Variants in ASTN1 observed in about 807,000 individuals in gnomAD.
ASTN1 encodes the protein astrotactin 1.
Under a neutral mutation model 140.7 loss-of-function variants are expected in ASTN1, and 41 were observed. The observed-to-expected ratio is 0.29, with a 90% CI of 0.23 to 0.38. ASTN1 has a LOEUF of 0.38. Ranked by LOEUF, ASTN1 falls within the 10% of genes least tolerant of loss-of-function variation. ASTN1 has a pLI of 1.00. For missense variants in ASTN1, 1,479 were observed against 1,678.8 expected (o/e 0.88, Z 2.08); for synonymous variants, 640 against 652.2 (o/e 0.98, Z 0.29).
chr1:176,871,149 G>A (rs1017545275), intron 21 of ASTN1, among the ~76,000 whole-genome samples: 10 of 152,170 alleles, frequency 6.6e-5, no homozygotes, highest in African/African-American at 1.4e-4. Context: ...GCATTGCACT[G>A]ATTGGGCCCC....
At chr1:177,019,363 C>T (rs1057436679) in intron 7 of ASTN1, among the ~76,000 whole-genome samples, 4 of 152,162 alleles carry the variant, frequency 2.6e-5, no homozygotes, top group Non-Finnish European at 5.9e-5. Flanking sequence ...AGGTATTTCC[C>T]ACTGGTCTCC....
At chr1:177,118,999 T>C in intron 1 of ASTN1, among the ~76,000 whole-genome samples, 1 of 152,210 alleles carries the variant, frequency 6.6e-6, no homozygotes, top group East Asian at 1.9e-4. Flanking sequence ...ATTTTCCACC[T>C]GGAAAACTCC....
chr1:177,145,431 C>CT (rs962058476), intron 1 of ASTN1, among the ~76,000 whole-genome samples: 3 of 152,194 alleles, frequency 2.0e-5, no homozygotes, highest in African/African-American at 7.2e-5. Flanking sequence ...CTGAAAATCT[C>CT]TTTAAGTTCC....
intron 1 of ASTN1, among the ~76,000 whole-genome samples, chr1:177,156,261 C>A (rs1162296100): frequency 6.7e-6 from 1 of 149,296 alleles, no homozygotes; most frequent in Non-Finnish European, 1.5e-5. Flanking sequence ...CAAGGTGAGA[C>A]TCCGTCTCAA....
At chr1:176,916,773 G>A (rs1041007322) in intron 16 of ASTN1, among the ~76,000 whole-genome samples, 1 of 152,202 alleles carries the variant, frequency 6.6e-6, no homozygotes, top group African/African-American at 2.4e-5. Context: ...GTCATTACAT[G>A]TATGTTTCTA....
chr1:176,965,796 T>C (rs1672855402), intron 8 of ASTN1, among the ~76,000 whole-genome samples: 1 of 152,210 alleles, frequency 6.6e-6, no homozygotes. Context: ...ATTCAACATG[T>C]TTTCTTTTCT....
chr1:177,030,907 T>A lies in ASTN1; in HGVS notation c.911A>T (p.Asn304Ile). ...GTCCACAGGGCTAGTGGCTATAATA[T>A]TATCTTTATACTTGTTCATCAGTGA... is the stretch of plus-strand genomic sequence containing the variant. ...KLSLMNKYKD[N>I]IIATSPVDSN... The change falls in exon 4 of 23, where the codon AAT (asparagine) becomes ATT (isoleucine). Residue 304 changes from asparagine (N) to isoleucine (I), a missense_variant. Asn to Ile is a moderately radical substitution (Grantham distance 149, BLOSUM62 -3). This residue lies in a region of ASTN1 where 729 missense variants were observed against 860.4 expected (regional missense o/e 0.85). Transcript: ENST00000361833. 1.2e-6 allele frequency: 2 copies of A among 1,614,122 alleles called. No homozygotes were observed. Among genetic ancestry groups the A allele is most frequent in the Non-Finnish European group, 1.7e-6 (2 of 1,180,014 alleles).
intron 8 of ASTN1, among the ~76,000 whole-genome samples, chr1:176,968,383 G>A (rs531427550): frequency 2.0e-4 from 31 of 152,308 alleles, no homozygotes; most frequent in Admixed American, 5.9e-4. Flanking sequence ...CAATGCCAAC[G>A]CCAGGCTTTA....
At chr1:177,057,437 A>C (rs999469264) in intron 2 of ASTN1, among the ~76,000 whole-genome samples, 2 of 152,250 alleles carry the variant, frequency 1.3e-5, no homozygotes, top group South Asian at 4.1e-4. Flanking sequence ...TATATGCAAA[A>C]TATAGAAATA....
At chr1:177,144,493 C>A (rs899313551) in intron 1 of ASTN1, among the ~76,000 whole-genome samples, 1 of 149,886 alleles carries the variant, frequency 6.7e-6, no homozygotes, top group African/African-American at 2.5e-5. Flanking sequence ...ACCTCGTGAT[C>A]CGCCCGCCTC....
intron 17 of ASTN1, among the ~76,000 whole-genome samples, chr1:176,894,222 TC>T (rs1212048497): frequency 6.6e-6 from 1 of 151,950 alleles, no homozygotes; most frequent in African/African-American, 2.4e-5. Flanking sequence ...GAACTGAGCA[TC>T]CTCCCCACAA....
Position 176,863,229 on chromosome 1 carries a change from A to G in ASTN1, c.*1055T>C, listed in dbSNP as rs754447333. On this transcript the variant is annotated 3_prime_UTR_variant, in exon 23 of 23. Coordinates refer to ENST00000361833, the MANE Select transcript of ASTN1 (RefSeq NM_004319.3). ...AACGATTTGCAAAACTAGCAACACA[A>G]GCAAATTTAGCAAGGTGGGGATGAA... 115 of 985,784 alleles carry G rather than the reference A, an allele frequency of 1.2e-4. No homozygotes were observed. Among genetic ancestry groups the G allele is most frequent in the Admixed American group, 6.1e-5 (1 of 16,274 alleles). The allele number at this position is 985,784 out of a possible 1,614,324, so 61.1% of individuals were successfully genotyped here. A position where few individuals can be genotyped will look rare whatever the true frequency, so the allele number is the denominator to read the frequency against.
At chr1:176,996,234 T>C (rs1037988985) in intron 8 of ASTN1, among the ~76,000 whole-genome samples, 5 of 150,638 alleles carry the variant, frequency 3.3e-5, no homozygotes, top group African/African-American at 1.2e-4. Flanking sequence ...CCAAGGTAAA[T>C]GGCAAGTAAG....
At chr1:177,149,371 G>GTATATATAGTAAATATATATAGTA (rs1682899100) in intron 1 of ASTN1, among the ~76,000 whole-genome samples, 1 of 56,620 alleles carries the variant, frequency 1.8e-5, no homozygotes, top group East Asian at 5.8e-4. Flanking sequence ...TATATATATA[G>GTATATATAGTAAATATATATAGTA]TATATATAGT....
intron 16 of ASTN1, among the ~76,000 whole-genome samples, chr1:176,913,439 G>A (rs1364165810): frequency 6.6e-6 from 1 of 152,198 alleles, no homozygotes; most frequent in Non-Finnish European, 1.5e-5. Flanking sequence ...GGTACTGTGG[G>A]AGCTGTAAAG....
chr1:177,118,086 C>T, intron 1 of ASTN1, among the ~76,000 whole-genome samples: 1 of 152,130 alleles, frequency 6.6e-6, no homozygotes, highest in Non-Finnish European at 1.5e-5. Context: ...CCCTCCCTTC[C>T]ACAAACACAG....
chr1:176,913,916 G>A (rs1670367002), intron 16 of ASTN1, among the ~76,000 whole-genome samples: 1 of 152,202 alleles, frequency 6.6e-6, no homozygotes, highest in Non-Finnish European at 1.5e-5. Flanking sequence ...TGGTTCACAA[G>A]CATTTTGTTG....
chr1:177,035,775 C>G (rs1676685253), intron 2 of ASTN1, among the ~76,000 whole-genome samples: 1 of 152,194 alleles, frequency 6.6e-6, no homozygotes, highest in Non-Finnish European at 1.5e-5. Context: ...AGAACTGGCT[C>G]TAGTCCCAGA....
chr1:176,873,868 C>A (rs892615940), intron 21 of ASTN1, among the ~76,000 whole-genome samples: 1 of 152,162 alleles, frequency 6.6e-6, no homozygotes, highest in Non-Finnish European at 1.5e-5. Flanking sequence ...TCTTGATGTA[C>A]TCTGGAGGGC....
Sources: allele counts gnomAD v4.1 joint callset (sites outside exome capture counted in the v4.1 genomes callset), GRCh38; gene constraint gnomAD v4.1.1; regional missense constraint gnomAD v4.1.1; transcripts MANE v1.5; gene names NCBI Gene and HGNC (gene_info 2026-07-23, HGNC 2026-07-21).